GRID2: variants seen among roughly 807,000 people sequenced by gnomAD.
The protein encoded by GRID2 is glutamate ionotropic receptor delta type subunit 2.
A neutral mutation model predicts 114.8 loss-of-function variants in GRID2; 33 were observed. That is an observed-to-expected ratio of 0.29 (90% CI 0.22 to 0.38). GRID2 has a LOEUF of 0.38. GRID2 is among the 10% of genes least tolerant of loss of function. The probability of loss-of-function intolerance (pLI) is 1.00; values close to 1 mark genes in which losing one functional copy is unlikely to be tolerated. For missense variants in GRID2, 1,184 were observed against 1,257.7 expected, an observed-to-expected ratio of 0.94 and a Z score of 0.89; for synonymous variants, 505 against 449.9, an observed-to-expected ratio of 1.12 and a Z score of -1.55.
intron 2 of GRID2, among the ~76,000 whole-genome samples, chr4:93,055,423 G>A (rs553092629): frequency 6.6e-6 from 1 of 150,992 alleles, no homozygotes; most frequent in African/African-American, 2.5e-5. Flanking sequence ...AATGCTAGAT[G>A]ACGAGTTACT....
intron 8 of GRID2, among the ~76,000 whole-genome samples, chr4:93,322,417 G>A (rs992057652): frequency 6.6e-6 from 1 of 152,104 alleles, no homozygotes; most frequent in South Asian, 2.1e-4. Flanking sequence ...TGGTGTATAT[G>A]TGCCACATTT....
intron 2 of GRID2, among the ~76,000 whole-genome samples, chr4:93,062,801 A>C (rs1727923189): frequency 1.3e-5 from 2 of 152,024 alleles, no homozygotes; most frequent in Non-Finnish European, 2.9e-5. Flanking sequence ...TGTATTCAGG[A>C]AAGGAGGCAG....
At chr4:93,499,044 A>T (rs935670442) in intron 12 of GRID2, among the ~76,000 whole-genome samples, 1 of 151,568 alleles carries the variant, frequency 6.6e-6, no homozygotes, top group Non-Finnish European at 1.5e-5. Context: ...TGCTCGGGTA[A>T]TTTTTCTTTA....
intron 2 of GRID2, among the ~76,000 whole-genome samples, chr4:92,675,773 T>C (rs1733323049): frequency 6.6e-6 from 1 of 151,840 alleles, no homozygotes; most frequent in African/African-American, 2.4e-5. Flanking sequence ...CTAGGATGGT[T>C]TCGATCTCCT....
At chr4:92,924,468 G>C (rs1308869977) in intron 2 of GRID2, among the ~76,000 whole-genome samples, 2 of 151,786 alleles carry the variant, frequency 1.3e-5, no homozygotes, top group African/African-American at 4.8e-5. Flanking sequence ...GGATGTGTAA[G>C]AAATCGTCAC....
At chr4:92,843,937 A>G (rs1179158024) in intron 2 of GRID2, among the ~76,000 whole-genome samples, 1 of 152,118 alleles carries the variant, frequency 6.6e-6, no homozygotes, top group Non-Finnish European at 1.5e-5. Context: ...TGCATTCGTC[A>G]TTTGGAAAAT....
At chr4:92,688,351 A>G (rs551644868) in intron 2 of GRID2, among the ~76,000 whole-genome samples, 135 of 150,298 alleles carry the variant, frequency 9.0e-4, no homozygotes, top group African/African-American at 3.1e-3. Context: ...CGCCCGGCCA[A>G]CTCTTCTTTC....
chr4:92,911,336 C>A (rs994131760), intron 2 of GRID2, among the ~76,000 whole-genome samples: 6 of 152,080 alleles, frequency 3.9e-5, no homozygotes, highest in South Asian at 2.1e-4. Context: ...GTTCTACTTA[C>A]CTTTTCTTTG....
intron 2 of GRID2, among the ~76,000 whole-genome samples, chr4:92,719,841 G>C (rs376454889): frequency 6.6e-6 from 1 of 152,102 alleles, no homozygotes; most frequent in Non-Finnish European, 1.5e-5. Context: ...ATCAGAGAAT[G>C]AGCCAATTCT....
At chr4:93,477,438 C>A (rs897216032) in intron 11 of GRID2, among the ~76,000 whole-genome samples, 5 of 152,018 alleles carry the variant, frequency 3.3e-5, no homozygotes, top group Non-Finnish European at 5.9e-5. Flanking sequence ...GAGATGCAAA[C>A]CTATGAATTA....
At chr4:92,891,931 A>G (rs377327116) in intron 2 of GRID2, among the ~76,000 whole-genome samples, 1 of 152,302 alleles carries the variant, frequency 6.6e-6, no homozygotes, top group East Asian at 1.9e-4. Flanking sequence ...GCATTAACAT[A>G]TTGAGAGATT....
chr4:93,531,085 G>A (rs772017402), intron 13 of GRID2, among the ~76,000 whole-genome samples: 1 of 152,072 alleles, frequency 6.6e-6, no homozygotes, highest in Non-Finnish European at 1.5e-5. Context: ...ATGCCATGTA[G>A]AATTATGTTT....
At chr4:93,669,320 C>A (rs1724205000) in intron 14 of GRID2, among the ~76,000 whole-genome samples, 2 of 151,934 alleles carry the variant, frequency 1.3e-5, no homozygotes, top group African/African-American at 4.8e-5. Flanking sequence ...AAATAATCAA[C>A]CTACAAGAAA....
chr4:93,711,720 T>A (rs1578633863), intron 14 of GRID2, among the ~76,000 whole-genome samples: 1 of 152,178 alleles, frequency 6.6e-6, no homozygotes, highest in Admixed American at 6.5e-5. Flanking sequence ...GCTGTTTCCA[T>A]CCTGCAAGCA....
intron 1 of GRID2, among the ~76,000 whole-genome samples, chr4:92,578,112 T>A (rs1243530465): frequency 2.3e-5 from 2 of 87,478 alleles, no homozygotes; most frequent in Non-Finnish European, 4.6e-5. Flanking sequence ...TTCTTCTTCT[T>A]CTTTTTCTTA....
chr4:93,472,265 G>A (rs1451423121), intron 11 of GRID2, among the ~76,000 whole-genome samples: 4 of 151,936 alleles, frequency 2.6e-5, no homozygotes, highest in East Asian at 2.0e-4. Context: ...GGAGGTTGCA[G>A]TGAACCAAGA....
chr4:92,591,796 T>G (rs886123548), intron 2 of GRID2, among the ~76,000 whole-genome samples: 7 of 152,094 alleles, frequency 4.6e-5, no homozygotes, highest in Non-Finnish European at 7.4e-5. Flanking sequence ...AAAATCATTA[T>G]TTTTTGAAAT....
At chr4:92,330,960 C>T (rs1304615603) in intron 1 of GRID2, among the ~76,000 whole-genome samples, 1 of 152,008 alleles carries the variant, frequency 6.6e-6, no homozygotes, top group African/African-American at 2.4e-5. Flanking sequence ...TTTCACTTAT[C>T]AAAATTCATT....
intron 1 of GRID2, among the ~76,000 whole-genome samples, chr4:92,390,941 C>A (rs1730211635): frequency 6.6e-6 from 1 of 152,028 alleles, no homozygotes; most frequent in Non-Finnish European, 1.5e-5. Context: ...AAAATAGGTG[C>A]CTAATAAATA....
Sources: gnomAD v4.1 joint callset for allele counts (sites outside exome capture counted in the v4.1 genomes callset) on GRCh38, gnomAD v4.1.1 for gene constraint, MANE v1.5 for transcripts, NCBI Gene and HGNC (gene_info 2026-07-23, HGNC 2026-07-21) for gene names.